TMPRSS11A: variants seen among roughly 807,000 people sequenced by gnomAD.
TMPRSS11A encodes the protein transmembrane serine protease 11A, also known as transmembrane protease serine 11A.
In TMPRSS11A, 53 loss-of-function variants were observed where a neutral mutation model predicts 58.9. The ratio of observed to expected loss-of-function variants is 0.90; its 90% CI spans 0.72 to 1.13. TMPRSS11A has a LOEUF of 1.13. Among genes scored for constraint, TMPRSS11A ranks in the 50% most tolerant of loss-of-function variants. The pLI, the probability that TMPRSS11A is intolerant of heterozygous loss-of-function variation, is 0.00. For synonymous variants in TMPRSS11A, 167 were observed against 169.8 expected (o/e 0.98, Z 0.13); for missense variants, 493 against 499.3 (o/e 0.99, Z 0.12).
At chr4:67,918,171 C>T (rs1458799071) in intron 8 of TMPRSS11A, among the ~76,000 whole-genome samples, 1 of 152,012 alleles carries the variant, frequency 6.6e-6, no homozygotes, top group Admixed American at 6.6e-5. Flanking sequence ...CTCAGAAAGC[C>T]CTTTTGCATT....
chr4:67,954,688 T>C (rs1456849618), intron 1 of TMPRSS11A, among the ~76,000 whole-genome samples: 1 of 152,232 alleles, frequency 6.6e-6, no homozygotes, highest in African/African-American at 2.4e-5. Flanking sequence ...TAATGTGACA[T>C]GAGTGAACGG....
Position 67,910,574 on chromosome 4 carries a change from C to A in TMPRSS11A, c.*768G>T, listed in dbSNP as rs756816030. Reference sequence around the variant, plus strand: ...CGGTGTTTTGGGACTAATGAAATTACCATCACCTTCTCCCAAATTTTTAAC... The same window carrying A: ...CGGTGTTTTGGGACTAATGAAATTAACATCACCTTCTCCCAAATTTTTAAC... On this transcript the variant is annotated 3_prime_UTR_variant, in exon 10 of 10. Coordinates refer to ENST00000508048, the MANE Select transcript of TMPRSS11A (RefSeq NM_001114387.2). 2.0e-5 allele frequency: 3 copies of A among 151,948 alleles called. No homozygotes were observed. The highest frequency in any genetic ancestry group is 4.4e-5 in the Non-Finnish European group (3 of 67,932). The allele number at this position is 151,948 out of a possible 1,614,324, so 9.4% of individuals were successfully genotyped here. A position where few individuals can be genotyped will look rare whatever the true frequency, so the allele number is the denominator to read the frequency against.
rs766232505 is a variant in TMPRSS11A, at chr4:67,922,786, A to G, written c.661T>C (p.Trp221Arg). 2.5e-6 allele frequency: 4 copies of G among 1,614,144 alleles called. No individual in the cohort carries two copies. The East Asian group carries it at 8.9e-5, about 36-fold the overall frequency. Residue 221 changes from tryptophan (W) to arginine (R), a missense_variant, in exon 7 of 10, where the codon TGG becomes CGG. Trp to Arg is a moderately radical substitution (Grantham distance 101, BLOSUM62 -3). Transcript: ENST00000508048. Reference sequence around the variant, plus strand: ...AAGCAGTGTGCTGCAGTGACAAGCCATGTGTTACTAATCAAGGTGGCCCCA... The same window carrying G: ...AAGCAGTGTGCTGCAGTGACAAGCCGTGTGTTACTAATCAAGGTGGCCCCA... The part of the protein sequence containing the change: ...QCGATLISNT[W>R]LVTAAHCFQK...
chr4:67,926,615 C>T (rs961742837), intron 5 of TMPRSS11A, among the ~76,000 whole-genome samples: 2 of 152,182 alleles, frequency 1.3e-5, no homozygotes, highest in Non-Finnish European at 2.9e-5. Flanking sequence ...CTCTCCTGCT[C>T]CGGAACCTGG....
chr4:67,911,553 G>T, intron 9 of TMPRSS11A, 50 bp from the exon 10 acceptor site: 3 of 1,476,190 alleles, frequency 2.0e-6, no homozygotes, highest in South Asian at 1.2e-5. Context: ...TAAACATAAA[G>T]CTCATTATTT....
chr4:67,919,091 G>T lies in TMPRSS11A; in HGVS notation c.834C>A (p.Val278=), dbSNP rs774630361. The T allele has an allele frequency of 3.8e-5, 62 of 1,614,090 alleles. No homozygotes were observed. Among genetic ancestry groups the T allele is most frequent in the Non-Finnish European group, 5.2e-5 (61 of 1,180,038 alleles). Residue 278 remains valine (V), a synonymous_variant, in exon 8 of 10, where the codon GTC becomes GTA. Transcript: ENST00000508048. ...AREYDIAVVQ[V]SSRVTFSDDI... is the part of the protein sequence containing the mutation. ...CATCCGAAAAGGTGACTCTGGAAGA[G>T]ACCTGCACAACAGCAATGTCGTACT...
At chr4:67,935,637 G>A (rs1720733851) in intron 3 of TMPRSS11A, among the ~76,000 whole-genome samples, 2 of 152,036 alleles carry the variant, frequency 1.3e-5, no homozygotes. Context: ...ATCTAACATA[G>A]TGCTTTGCAT....
At chr4:67,952,935 C>CT (rs948364083) in intron 1 of TMPRSS11A, among the ~76,000 whole-genome samples, 3 of 152,010 alleles carry the variant, frequency 2.0e-5, no homozygotes, top group African/African-American at 7.2e-5. Flanking sequence ...CAGCCCCAAC[C>CT]TTTTTGGCAC....
intron 1 of TMPRSS11A, among the ~76,000 whole-genome samples, chr4:67,947,419 A>G (rs10007054): frequency 0.67 from 99,945 of 149,468 alleles, 36,765 homozygotes; most frequent in Non-Finnish European, 0.83. Flanking sequence ...GACATTGACC[A>G]TTGAAGAGAT....
At chr4:67,920,621 G>A (rs538155089) in intron 7 of TMPRSS11A, among the ~76,000 whole-genome samples, 1 of 149,552 alleles carries the variant, frequency 6.7e-6, no homozygotes, top group African/African-American at 2.4e-5. Context: ...ATATATATGT[G>A]TGTGCATATA....
In TMPRSS11A at chr4:67,920,661, G is replaced by C. The variant is rs146280300; in HGVS notation, c.693-1429C>G. 8.6e-5 allele frequency among the ~76,000 whole-genome samples: 13 copies of C among 151,300 alleles called. No individual in the cohort carries two copies. The East Asian group carries it at 2.6e-3, about 30-fold the overall frequency. On this transcript the variant is annotated intron_variant, in intron 7 of 9. Coordinates refer to ENST00000508048, the MANE Select transcript of TMPRSS11A (RefSeq NM_001114387.2). ...CTTTTTTCAAAGTTCAGGGTTACAT[G>C]TGCAGGTTTGTTACACAGGTAAACT... is the stretch of plus-strand genomic sequence containing the variant.
At chr4:67,944,774 T>A in intron 2 of TMPRSS11A, 137 bp from the exon 3 acceptor site, 1 of 667,228 alleles carries the variant, frequency 1.5e-6, no homozygotes, top group Non-Finnish European at 2.5e-6. Flanking sequence ...AAATAACAGT[T>A]AATGTTTTAT....
intron 3 of TMPRSS11A, among the ~76,000 whole-genome samples, chr4:67,933,045 G>A (rs1034458636): frequency 2.6e-5 from 4 of 151,856 alleles, no homozygotes; most frequent in African/African-American, 9.7e-5. Context: ...AACCAAATGT[G>A]CGCACAAAAT....
chr4:67,954,413 T>C (rs920350010), intron 1 of TMPRSS11A, among the ~76,000 whole-genome samples: 11 of 152,210 alleles, frequency 7.2e-5, no homozygotes, highest in Non-Finnish European at 1.6e-4. Context: ...TGTAGCCCTG[T>C]CTTTCCTCTA....
Position 67,939,190 on chromosome 4 carries a change from G to C in TMPRSS11A, c.252+5329C>G, listed in dbSNP as rs539686150. ...TGTGTGTGTGTCGCTATTGAAAATG[G>C]GATTGTGTTCTTGATTTGGTTCTCA... On this transcript the variant is annotated intron_variant, in intron 3 of 9. Transcript: ENST00000508048. 3.9e-5 allele frequency among the ~76,000 whole-genome samples: 6 copies of C among 151,996 alleles called. No homozygotes were observed. The East Asian group carries it at 9.6e-4, about 24-fold the overall frequency.
intron 3 of TMPRSS11A, among the ~76,000 whole-genome samples, chr4:67,939,952 G>C: frequency 6.6e-6 from 1 of 152,156 alleles, no homozygotes; most frequent in East Asian, 1.9e-4. Flanking sequence ...GTCTCCCAAA[G>C]TGCTGGGATT....
In TMPRSS11A at chr4:67,910,524, C is replaced by G. The variant is rs1719937121; in HGVS notation, c.*818G>C. 6.6e-6 allele frequency: 1 copy of G among 152,028 alleles called. No homozygotes were observed. Among genetic ancestry groups the G allele is most frequent in the South Asian group, 2.1e-4 (1 of 4,824 alleles). 9.4% of individuals were successfully genotyped at this position (152,028 alleles called of 1,614,324 possible). A position where few individuals can be genotyped will look rare whatever the true frequency, so the allele number is the denominator to read the frequency against. On this transcript the variant is annotated 3_prime_UTR_variant, in exon 10 of 10. Coordinates refer to ENST00000508048, the MANE Select transcript of TMPRSS11A (RefSeq NM_001114387.2). ...TTGTGGTCAAAATATGTAAGTGCATCTGTGAAATGTCAAATTTCTTATGCC... is the reference window on the plus strand; with the variant it reads ...TTGTGGTCAAAATATGTAAGTGCATGTGTGAAATGTCAAATTTCTTATGCC...
At chr4:67,963,271 C>A in intron 1 of TMPRSS11A, 112 bp downstream of exon 1, 1 of 963,364 alleles carries the variant, frequency 1.0e-6, no homozygotes, top group Non-Finnish European at 1.6e-6. Flanking sequence ...AAATCCAGTG[C>A]AGATTGAATC....
chr4:67,937,911 G>C (rs778995361), intron 3 of TMPRSS11A, among the ~76,000 whole-genome samples: 8 of 152,038 alleles, frequency 5.3e-5, no homozygotes, highest in Non-Finnish European at 1.2e-4. Context: ...ATACTCCTTT[G>C]GGTATACACC....
Sources: allele counts gnomAD v4.1 joint callset (sites outside exome capture counted in the v4.1 genomes callset), GRCh38; gene constraint gnomAD v4.1.1; transcripts MANE v1.5; gene names NCBI Gene and HGNC (gene_info 2026-07-23, HGNC 2026-07-21).